The following C22orf31 variants were observed in gnomAD, a reference collection of about 807,000 sequenced individuals.
C22orf31 encodes uncharacterized protein C22orf31.
C22orf31 carries 11 observed loss-of-function variants against 15.0 expected under a neutral mutation model. That is an observed-to-expected ratio of 0.73 (90% CI 0.46 to 1.21). The LOEUF (loss-of-function observed/expected upper bound fraction) is 1.21. C22orf31 is among the 50% of genes most tolerant of loss of function. The pLI is 0.00. For missense variants in C22orf31, 340 were observed against 347.2 expected, an observed-to-expected ratio of 0.98 and a Z score of 0.17; for synonymous variants, 132 against 133.3, an observed-to-expected ratio of 0.99 and a Z score of 0.07.
At position 29,058,676 on chromosome 22, in the gene C22orf31, G is replaced by A. The variant is rs1201042002; in HGVS notation, c.*66C>T. 1 of 1,271,266 alleles carries A rather than the reference G, an allele frequency of 7.9e-7. No homozygotes were observed. Among genetic ancestry groups the A allele is most frequent in the Non-Finnish European group, 1.1e-6 (1 of 906,136 alleles). The allele number at this position is 1,271,266 out of a possible 1,614,324, so 78.7% of individuals were successfully genotyped here. A position where few individuals can be genotyped will look rare whatever the true frequency, so the allele number is the denominator to read the frequency against. ...AAAGCACTCTGCGATAACACGGAAGGTGCAAAGTTGTGTTTATTTTTCAGA... is the reference window on the plus strand; with the variant it reads ...AAAGCACTCTGCGATAACACGGAAGATGCAAAGTTGTGTTTATTTTTCAGA... On this transcript the variant is annotated 3_prime_UTR_variant, in exon 3 of 3. Coordinates refer to ENST00000216071, the MANE Select transcript of C22orf31 (RefSeq NM_015370.2).
At chr22:29,072,245 A>G in the C22orf31 span, among the ~76,000 whole-genome samples, 1 of 152,128 alleles carries the variant, frequency 6.6e-6, no homozygotes, top group Non-Finnish European at 1.5e-5. Context: ...CCAGGGCTCA[A>G]GCGATCCTCC....
At chr22:29,069,496 C>A in the C22orf31 span, among the ~76,000 whole-genome samples, 1 of 152,142 alleles carries the variant, frequency 6.6e-6, no homozygotes, top group Non-Finnish European at 1.5e-5. Flanking sequence ...AAACGGACAC[C>A]AACATCTTTC....
upstream of C22orf31, among the ~76,000 whole-genome samples, chr22:29,066,154 G>A (rs1293010111): frequency 1.3e-5 from 2 of 151,882 alleles, no homozygotes; most frequent in African/African-American, 4.8e-5. Context: ...AAGAAATTGA[G>A]TCAATTTCTA....
upstream of C22orf31, among the ~76,000 whole-genome samples, chr22:29,066,783 A>G (rs1171537411): frequency 6.7e-6 from 1 of 150,204 alleles, no homozygotes; most frequent in Admixed American, 6.6e-5. Flanking sequence ...CTGGTCTTGG[A>G]CTCCTGACCT....
the C22orf31 span, among the ~76,000 whole-genome samples, chr22:29,069,343 C>T: frequency 6.6e-6 from 1 of 152,074 alleles, no homozygotes; most frequent in Non-Finnish European, 1.5e-5. Flanking sequence ...AAATGACTGC[C>T]CTTTGAGCAG....
In C22orf31 at chr22:29,059,010, G is replaced by GT. The variant is rs761907073; in HGVS notation, c.604dup (p.Thr202AsnfsTer43). On this transcript the variant is annotated frameshift_variant, in exon 3 of 3. Coordinates refer to ENST00000216071, the MANE Select transcript of C22orf31 (RefSeq NM_015370.2). LOFTEE classifies it low-confidence loss of function (END_TRUNC). ...TGTGGGGAGACCATGGATGGTTAGCGTGTCCTCCGACAACTGCTGTCTCTT... is the reference window on the plus strand; with the variant it reads ...TGTGGGGAGACCATGGATGGTTAGCGTTGTCCTCCGACAACTGCTGTCTCTT... 6.2e-7 allele frequency: 1 copy of GT among 1,614,168 alleles called. No homozygotes were observed. Among genetic ancestry groups the GT allele is most frequent in the South Asian group, 1.1e-5 (1 of 91,080 alleles).
At chr22:29,066,873 ATG>A in the C22orf31 span, among the ~76,000 whole-genome samples, 1 of 151,848 alleles carries the variant, frequency 6.6e-6, no homozygotes, top group Non-Finnish European at 1.5e-5. Context: ...CGCCTCCTCA[ATG>A]CTAACCCAAA....
At chr22:29,065,004 C>T (rs1483921048), upstream of C22orf31, among the ~76,000 whole-genome samples, 1 of 151,930 alleles carries the variant, frequency 6.6e-6, no homozygotes, top group African/African-American at 2.4e-5. Flanking sequence ...CAGGTGTGCA[C>T]CACCACGCCC....
At chr22:29,060,310 G>A (rs2037375049) in intron 2 of C22orf31, 105 bp downstream of exon 2, 1 of 1,088,670 alleles carries the variant, frequency 9.2e-7, no homozygotes, top group South Asian at 1.5e-5. Flanking sequence ...TGAGATTATA[G>A]GCGGTAGCCG....
chr22:29,066,905 A>G, the C22orf31 span, among the ~76,000 whole-genome samples: 1 of 152,162 alleles, frequency 6.6e-6, no homozygotes, highest in South Asian at 2.1e-4. Context: ...GAGTCTTCAG[A>G]GGTGCCCACC....
upstream of C22orf31, among the ~76,000 whole-genome samples, chr22:29,065,430 GA>G (rs134562): frequency 0.67 from 101,233 of 151,568 alleles, 34,073 homozygotes; most frequent in Middle Eastern, 0.79. Flanking sequence ...AAAGAACAAA[GA>G]AAAAAAAATC....
the C22orf31 span, among the ~76,000 whole-genome samples, chr22:29,068,952 TG>T: frequency 2.0e-5 from 3 of 151,528 alleles, no homozygotes; most frequent in Non-Finnish European, 4.4e-5. Flanking sequence ...TTTGTAGAGA[TG>T]GGGTTTCACT....
upstream of C22orf31, among the ~76,000 whole-genome samples, chr22:29,063,222 T>C (rs1410237652): frequency 6.6e-6 from 1 of 152,140 alleles, no homozygotes; most frequent in East Asian, 1.9e-4. Flanking sequence ...TGGAGTGCAG[T>C]GGTGCGATCT....
upstream of C22orf31, among the ~76,000 whole-genome samples, chr22:29,062,905 GA>G (rs1359193673): frequency 6.6e-6 from 1 of 152,064 alleles, no homozygotes; most frequent in Admixed American, 6.6e-5. Context: ...AAGAGTTTGC[GA>G]ATGTCTGGAG....
upstream of C22orf31, among the ~76,000 whole-genome samples, chr22:29,065,167 A>G (rs146930282): frequency 1.1e-4 from 16 of 152,202 alleles, no homozygotes; most frequent in East Asian, 2.5e-3. Flanking sequence ...GAATGTTATT[A>G]ATATTATGGT....
rs867460576 is a variant in C22orf31 at position 29,060,037 on chromosome 22, T to A, written c.432+378A>T. The stretch of plus-strand genomic sequence containing the variant: ...TTTTCTTTTCTTTTTTTTTTTTTTT[T>A]TTTTTTATTTTTTAGACAGGGTCTT... On this transcript the variant is annotated intron_variant, in intron 2 of 2. Coordinates refer to ENST00000216071, the MANE Select transcript of C22orf31 (RefSeq NM_015370.2). The A allele has an allele frequency of 7.4e-3, 6,622 of 895,798 alleles. 36 individuals are homozygous for A. Among genetic ancestry groups the A allele is most frequent in the African/African-American group, 0.038 (1,909 of 50,468 alleles). 55.5% of individuals were successfully genotyped at this position (895,798 alleles called of 1,614,324 possible).
Position 29,060,690 on chromosome 22 carries a change from C to T in C22orf31, c.157G>A (p.Ala53Thr), listed in dbSNP as rs751293842. 1.9e-6 allele frequency: 3 copies of T among 1,614,130 alleles called. No individual in the cohort carries two copies. In the South Asian group the frequency reaches 3.3e-5, roughly 18 times the overall value. Residue 53 changes from alanine to threonine, a missense_variant, in exon 2 of 3, where the codon GCC (alanine) becomes ACC (threonine). By Grantham distance (58) the Ala-to-Thr change is moderately conservative (BLOSUM62 0). Transcript: ENST00000216071. ...GAGGAAGTGGTAGCTGGTGCTGGGG[C>T]ATTAATGTTCTGCTTTGCACATGTT... ...ARTCAKQNIN[A>T]PAPATTSSWE... is the part of the protein sequence containing the mutation.
chr22:29,063,206 C>T (rs1258179812), upstream of C22orf31, among the ~76,000 whole-genome samples: 2 of 152,124 alleles, frequency 1.3e-5, no homozygotes, highest in African/African-American at 4.8e-5. Context: ...ACTCTGTCCC[C>T]CAGGCTGGAG....
In C22orf31 at chr22:29,060,442, A is replaced by T. The variant is rs1242860494; in HGVS notation, c.405T>A (p.His135Gln). Residue 135 changes from histidine (H) to glutamine (Q), a missense_variant, in exon 2 of 3, where the codon CAT becomes CAA. His to Gln is a conservative substitution (Grantham distance 24). Coordinates refer to ENST00000216071, the MANE Select transcript of C22orf31 (RefSeq NM_015370.2). ...CTCTGATGCCTCCTGCAGGCCTCCT[A>T]TGCCCTGCTGGCTGCTTGCTCTTGG... ...ISSKSKQPAGHRRPAGGIRES... is the reference protein window; with the variant it reads ...ISSKSKQPAGQRRPAGGIRES... 1.9e-6 allele frequency: 3 copies of T among 1,613,368 alleles called. No homozygotes were observed. The highest frequency in any genetic ancestry group is 1.7e-6 in the Non-Finnish European group (2 of 1,179,874).
Sources: allele counts gnomAD v4.1 joint callset (sites outside exome capture counted in the v4.1 genomes callset), GRCh38; gene constraint gnomAD v4.1.1; transcripts MANE v1.5; gene names NCBI Gene and HGNC (gene_info 2026-07-23, HGNC 2026-07-21).